CAGE1: variants seen among roughly 807,000 people sequenced by gnomAD.
The protein encoded by CAGE1 is cancer antigen 1.
CAGE1 carries 66 observed loss-of-function variants against 94.9 expected under a neutral mutation model. The observed-to-expected ratio is 0.70, with a 90% CI of 0.57 to 0.85. CAGE1 has a LOEUF of 0.85. Among genes scored for constraint, CAGE1 ranks in the 40% least tolerant of loss-of-function variants. CAGE1 has a pLI of 0.00. For synonymous variants in CAGE1, 319 were observed against 321.0 expected (o/e 0.99, Z 0.07); for missense variants, 865 against 950.4 (o/e 0.91, Z 1.18).
At chr6:7,359,414 G>A (rs1453236588) in intron 9 of CAGE1, among the ~76,000 whole-genome samples, 1 of 152,166 alleles carries the variant, frequency 6.6e-6, no homozygotes, top group African/African-American at 2.4e-5. Flanking sequence ...TGAGTGGCCT[G>A]CCCATGTGTA....
At chr6:7,343,301 C>T (rs937327471) in intron 11 of CAGE1, among the ~76,000 whole-genome samples, 1 of 151,978 alleles carries the variant, frequency 6.6e-6, no homozygotes, top group African/African-American at 2.4e-5. Flanking sequence ...TACTGAAATG[C>T]AGCTTTCTGT....
intron 4 of CAGE1, among the ~76,000 whole-genome samples, chr6:7,377,464 C>T (rs1420152922): frequency 6.6e-6 from 1 of 152,056 alleles, no homozygotes. Flanking sequence ...TATTATTGGC[C>T]AGGTGTGGTA....
chr6:7,361,217 G>A (rs1760155115), intron 9 of CAGE1, among the ~76,000 whole-genome samples: 1 of 152,142 alleles, frequency 6.6e-6, no homozygotes. Context: ...GATCTCTAAG[G>A]AAGTTCTCAT....
chr6:7,343,272 T>C (rs930572242), intron 11 of CAGE1, among the ~76,000 whole-genome samples: 9 of 151,898 alleles, frequency 5.9e-5, no homozygotes, highest in African/African-American at 1.9e-4. Flanking sequence ...AGGGCAGTAC[T>C]AATGTTGTTT....
At chr6:7,356,659 A>T (rs1759963910) in intron 9 of CAGE1, among the ~76,000 whole-genome samples, 1 of 152,232 alleles carries the variant, frequency 6.6e-6, no homozygotes, top group Non-Finnish European at 1.5e-5. Flanking sequence ...ATGAAAAATT[A>T]TGTGACATCT....
At position 7,326,830 on chromosome 6, in the gene CAGE1, AT is replaced by A; in HGVS notation, c.*27del. The A allele has an allele frequency of 6.6e-7, 1 of 1,508,210 alleles. No homozygotes were observed. Among genetic ancestry groups the A allele is most frequent in the Non-Finnish European group, 9.2e-7 (1 of 1,083,978 alleles). The allele number at this position is 1,508,210 out of a possible 1,614,324, so 93.4% of individuals were successfully genotyped here. On this transcript the variant is annotated 3_prime_UTR_variant, in exon 14 of 14. Coordinates refer to ENST00000502583, the MANE Select transcript of CAGE1 (RefSeq NM_001170692.2). ...ACTCTTCCTGGAGTGGTTGACAAAA[AT>A]GATTACTGTTTAATCTTCAGGCTTG...
chr6:7,357,039 C>T (rs958334091), intron 9 of CAGE1, among the ~76,000 whole-genome samples: 10 of 152,028 alleles, frequency 6.6e-5, no homozygotes, highest in Admixed American at 5.2e-4. Flanking sequence ...TCAGGTGATC[C>T]GCCCCCCGTC....
intron 9 of CAGE1, among the ~76,000 whole-genome samples, chr6:7,364,293 T>C (rs1760255072): frequency 6.6e-6 from 1 of 152,200 alleles, no homozygotes; most frequent in African/African-American, 2.4e-5. Context: ...ATGCCAGCCA[T>C]TGTACCTCTT....
intron 9 of CAGE1, among the ~76,000 whole-genome samples, chr6:7,364,229 C>T (rs965417508): frequency 2.0e-5 from 3 of 152,188 alleles, no homozygotes; most frequent in African/African-American, 7.2e-5. Context: ...TCCTTCATAA[C>T]CTGCACTTAG....
chr6:7,345,508 G>T (rs1185229612), intron 11 of CAGE1, among the ~76,000 whole-genome samples: 3 of 152,154 alleles, frequency 2.0e-5, no homozygotes, highest in Non-Finnish European at 4.4e-5. Flanking sequence ...ATTTCAGCAA[G>T]ATCACTCTGG....
At chr6:7,385,954 TCTG>T in intron 2 of CAGE1, 82 bp from the exon 3 acceptor site, 2 of 694,176 alleles carry the variant, frequency 2.9e-6, no homozygotes, top group Non-Finnish European at 4.6e-6. Flanking sequence ...GTTACATAAT[TCTG>T]CTATTAGAAT....
chr6:7,358,070 A>ATATATATATATATATATATT (rs1321838889), intron 9 of CAGE1, among the ~76,000 whole-genome samples: 7 of 120,896 alleles, frequency 5.8e-5, no homozygotes, highest in Admixed American at 1.9e-4. Flanking sequence ...ATATATATAT[A>ATATATATATATATATATATT]TGCCTCCAAA....
intron 2 of CAGE1, among the ~76,000 whole-genome samples, 160 bp from the exon 3 acceptor site, chr6:7,386,032 T>C (rs1761110140): frequency 6.6e-6 from 1 of 152,244 alleles, no homozygotes; most frequent in Non-Finnish European, 1.5e-5. Context: ...GGCTCCCTTT[T>C]AGTAAAACTA....
At chr6:7,358,963 T>C (rs779428714) in intron 9 of CAGE1, among the ~76,000 whole-genome samples, 2 of 152,242 alleles carry the variant, frequency 1.3e-5, no homozygotes, top group Non-Finnish European at 2.9e-5. Context: ...TTGCTCCACA[T>C]TCTCTCCAAG....
intron 11 of CAGE1, among the ~76,000 whole-genome samples, chr6:7,346,209 T>C (rs1759525505): frequency 6.6e-6 from 1 of 152,210 alleles, no homozygotes. Context: ...TAATTCACTA[T>C]AATTAAAAAT....
chr6:7,356,731 G>A (rs1352416914), intron 9 of CAGE1, among the ~76,000 whole-genome samples: 1 of 152,102 alleles, frequency 6.6e-6, no homozygotes, highest in African/African-American at 2.4e-5. Flanking sequence ...AATTTTCAAA[G>A]CAATTATAGA....
At chr6:7,345,329 A>C (rs1034464573) in intron 11 of CAGE1, among the ~76,000 whole-genome samples, 1 of 151,452 alleles carries the variant, frequency 6.6e-6, no homozygotes, top group African/African-American at 2.4e-5. Flanking sequence ...CGAGACCACT[A>C]AACCCAGCAG....
chr6:7,365,022 A>G (rs771829052), intron 9 of CAGE1, among the ~76,000 whole-genome samples: 1 of 152,182 alleles, frequency 6.6e-6, no homozygotes, highest in Non-Finnish European at 1.5e-5. Flanking sequence ...CTAGATTCTA[A>G]GATCACATTT....
intron 11 of CAGE1, among the ~76,000 whole-genome samples, chr6:7,334,790 A>G (rs898729809): frequency 2.0e-5 from 3 of 152,028 alleles, no homozygotes; most frequent in Non-Finnish European, 4.4e-5. Context: ...CTGAGCTAGA[A>G]ACAGCTTAAC....
Sources: allele counts gnomAD v4.1 joint callset (sites outside exome capture counted in the v4.1 genomes callset), GRCh38; gene constraint gnomAD v4.1.1; transcripts MANE v1.5; gene names NCBI Gene and HGNC (gene_info 2026-07-23, HGNC 2026-07-21).